The following GLI3 variants were observed in gnomAD, a reference collection of about 807,000 sequenced individuals.
GLI3 encodes the protein GLI family zinc finger 3.
A neutral mutation model predicts 100.8 loss-of-function variants in GLI3; 20 were observed. The ratio of observed to expected loss-of-function variants is 0.20; its 90% CI spans 0.14 to 0.29. GLI3 has a LOEUF of 0.29. Ranked by LOEUF, GLI3 falls within the 10% of genes least tolerant of loss-of-function variation. The pLI, the probability that GLI3 is intolerant of heterozygous loss-of-function variation, is 1.00. For missense variants in GLI3, 2,040 were observed against 2,128.5 expected (o/e 0.96, Z 0.82); for synonymous variants, 938 against 860.5 (o/e 1.09, Z -1.58).
At chr7:41,981,989 T>C (rs1358054769) in intron 10 of GLI3, among the ~76,000 whole-genome samples, 2 of 152,124 alleles carry the variant, frequency 1.3e-5, no homozygotes, top group Non-Finnish European at 2.9e-5. Context: ...GTTGTCTCCA[T>C]GTGGGGAGGG....
chr7:42,100,668 G>A (rs1342145517), intron 3 of GLI3, among the ~76,000 whole-genome samples: 2 of 152,084 alleles, frequency 1.3e-5, no homozygotes, highest in Non-Finnish European at 2.9e-5. Context: ...CTTGAAGCCA[G>A]GGGGCGAAGG....
At chr7:42,037,621 G>C (rs1028121798) in intron 7 of GLI3, among the ~76,000 whole-genome samples, 1 of 152,180 alleles carries the variant, frequency 6.6e-6, no homozygotes, top group Non-Finnish European at 1.5e-5. Context: ...CACTGAGAGA[G>C]AAAAGATGCA....
At chr7:42,261,200 AAC>A (rs10524898) in intron 1 of GLI3, among the ~76,000 whole-genome samples, 17,684 of 147,212 alleles carry the variant, frequency 0.12, 2,359 homozygotes, top group African/African-American at 0.33. Flanking sequence ...CACACACACA[AAC>A]ACACACACAC....
intron 4 of GLI3, among the ~76,000 whole-genome samples, chr7:42,054,642 T>A (rs1784416056): frequency 6.6e-6 from 1 of 152,170 alleles, no homozygotes; most frequent in Non-Finnish European, 1.5e-5. Flanking sequence ...AACCAATTAA[T>A]TAATTATTCA....
chr7:42,240,973 G>C (rs1788918589), upstream of GLI3, among the ~76,000 whole-genome samples: 1 of 152,182 alleles, frequency 6.6e-6, no homozygotes, highest in Non-Finnish European at 1.5e-5. Context: ...GTAGCACCCA[G>C]TTAATTATTG....
At chr7:42,034,313 G>A (rs1789375537) in intron 7 of GLI3, among the ~76,000 whole-genome samples, 2 of 152,328 alleles carry the variant, frequency 1.3e-5, no homozygotes, top group Admixed American at 6.5e-5. Context: ...TGAATTTGTG[G>A]TTCTGCCATG....
chr7:42,128,662 T>C (rs187503916), intron 3 of GLI3, among the ~76,000 whole-genome samples: 1 of 151,566 alleles, frequency 6.6e-6, no homozygotes, highest in Non-Finnish European at 1.5e-5. Flanking sequence ...TCAGAAGAGA[T>C]CTTAAATGTG....
At chr7:42,172,822 C>T in intron 2 of GLI3, 1 of 570,802 alleles carries the variant, frequency 1.8e-6, no homozygotes, top group Non-Finnish European at 3.1e-6. Context: ...AAGAGCCATT[C>T]ACCTTCTACC....
intron 2 of GLI3, among the ~76,000 whole-genome samples, chr7:42,165,778 T>A (rs2128673459): frequency 6.6e-6 from 1 of 152,336 alleles, no homozygotes; most frequent in Admixed American, 6.5e-5. Flanking sequence ...TCACTGAGTA[T>A]ACTAATATTC....
At chr7:41,978,390 C>T (rs1379391002) in intron 11 of GLI3, among the ~76,000 whole-genome samples, 1 of 152,230 alleles carries the variant, frequency 6.6e-6, no homozygotes, top group Non-Finnish European at 1.5e-5. Context: ...ATTCCCAGTG[C>T]CAGCCACCAC....
At chr7:42,127,319 A>AT (rs1786158944) in intron 3 of GLI3, among the ~76,000 whole-genome samples, 1 of 152,108 alleles carries the variant, frequency 6.6e-6, no homozygotes, top group African/African-American at 2.4e-5. Context: ...CCCATTACAC[A>AT]TTTTTCAGAG....
At chr7:42,093,022 C>A (rs1167184699) in intron 3 of GLI3, among the ~76,000 whole-genome samples, 2 of 151,870 alleles carry the variant, frequency 1.3e-5, no homozygotes, top group African/African-American at 4.8e-5. Flanking sequence ...CCATGTTGAC[C>A]AGGCTGGTTT....
chr7:42,176,407 C>T (rs1787480483), intron 2 of GLI3, among the ~76,000 whole-genome samples: 1 of 152,198 alleles, frequency 6.6e-6, no homozygotes, highest in Admixed American at 6.5e-5. Context: ...GGTTTCTAAA[C>T]CTTCTTCTCT....
intron 1 of GLI3, among the ~76,000 whole-genome samples, chr7:42,244,265 G>C (rs938815268): frequency 1.3e-5 from 2 of 152,234 alleles, no homozygotes; most frequent in East Asian, 3.9e-4. Flanking sequence ...ATACCATCCA[G>C]AGAAACACAT....
At chr7:42,208,396 G>C (rs1788197824) in intron 2 of GLI3, among the ~76,000 whole-genome samples, 1 of 152,100 alleles carries the variant, frequency 6.6e-6, no homozygotes, top group Non-Finnish European at 1.5e-5. Flanking sequence ...ATCTTCGTTA[G>C]ATGATGCAGC....
intron 3 of GLI3, among the ~76,000 whole-genome samples, chr7:42,130,003 T>C (rs1014356139): frequency 2.6e-5 from 4 of 152,142 alleles, no homozygotes; most frequent in Admixed American, 2.0e-4. Flanking sequence ...AGCGTGGATT[T>C]TGAAGCCCTG....
At chr7:42,161,549 C>T (rs776946874) in intron 2 of GLI3, among the ~76,000 whole-genome samples, 5 of 152,164 alleles carry the variant, frequency 3.3e-5, no homozygotes, top group Admixed American at 2.0e-4. Flanking sequence ...CTATCATCTC[C>T]ACAGTATTTA....
intron 4 of GLI3, among the ~76,000 whole-genome samples, chr7:42,069,847 C>G (rs755161711): frequency 3.3e-5 from 5 of 152,186 alleles, no homozygotes; most frequent in Non-Finnish European, 5.9e-5. Context: ...TTGACAAAAA[C>G]AGGCCATGAA....
chr7:42,200,613 T>A (rs1788019259), intron 2 of GLI3, among the ~76,000 whole-genome samples: 1 of 152,182 alleles, frequency 6.6e-6, no homozygotes, highest in African/African-American at 2.4e-5. Context: ...TATATCATTT[T>A]AAAAATAAAG....
Sources: gnomAD v4.1 joint callset for allele counts (sites outside exome capture counted in the v4.1 genomes callset) on GRCh38, gnomAD v4.1.1 for gene constraint, MANE v1.5 for transcripts, NCBI Gene and HGNC (gene_info 2026-07-23, HGNC 2026-07-21) for gene names.